The following CAMSAP3 variants were observed in gnomAD, a reference collection of about 807,000 sequenced individuals.
CAMSAP3 encodes the protein calmodulin-regulated spectrin-associated protein 3.
In CAMSAP3, 34 loss-of-function variants were observed where a neutral mutation model predicts 112.5. The ratio of observed to expected loss-of-function variants is 0.30; its 90% CI spans 0.23 to 0.40. The LOEUF is 0.40. CAMSAP3 is among the 10% of genes least tolerant of loss of function. CAMSAP3 has a pLI of 1.00. For missense variants in CAMSAP3, 1,602 were observed against 1,770.3 expected, an observed-to-expected ratio of 0.90 and a Z score of 1.71; for synonymous variants, 868 against 799.8, an observed-to-expected ratio of 1.09 and a Z score of -1.44.
In CAMSAP3 at chr19:7,606,285, T is replaced by A. The variant is rs1412879860; in HGVS notation, c.417T>A (p.Ala139=). The A allele has an allele frequency of 6.2e-7, 1 of 1,613,604 alleles. No homozygotes were observed. The highest frequency in any genetic ancestry group is 8.5e-7 in the Non-Finnish European group (1 of 1,179,994). Reference sequence around the variant, plus strand: ...TGCCCCCACAGGGAGCCCACCTAGCTGTCATTGATGCCCTCATGGCTGCCT... The same window carrying A: ...TGCCCCCACAGGGAGCCCACCTAGCAGTCATTGATGCCCTCATGGCTGCCT... ...HQPILMGAHL[A]VIDALMAAFA... Residue 139 remains alanine (A), a synonymous_variant, in exon 3 of 17, where the codon GCT becomes GCA. Coordinates refer to ENST00000160298, the MANE Select transcript of CAMSAP3 (RefSeq NM_020902.2).
rs757999498 is a variant in CAMSAP3 at position 7,606,834 on chromosome 19, C to T, written c.621+263C>T. 4.3e-6 allele frequency: 7 copies of T among 1,612,744 alleles called. No homozygotes were observed. The South Asian group carries it at 5.5e-5, about 13-fold the overall frequency. On this transcript the variant is annotated intron_variant, in intron 4 of 16. Coordinates refer to ENST00000160298, the MANE Select transcript of CAMSAP3 (RefSeq NM_020902.2). Reference sequence around the variant, plus strand: ...TGTAAGTGGGGCTGTCTGTCCGCCCCGTCTGCCTGCCCTGCTTGTAGCTCT... The same window carrying T: ...TGTAAGTGGGGCTGTCTGTCCGCCCTGTCTGCCTGCCCTGCTTGTAGCTCT...
chr19:7,616,731 G>A, intron 14 of CAMSAP3, 109 bp downstream of exon 14: 1 of 764,652 alleles, frequency 1.3e-6, no homozygotes, highest in Non-Finnish European at 2.2e-6. Flanking sequence ...TCGAGTTTAT[G>A]GATACGCCAT....
intron 1 of CAMSAP3, among the ~76,000 whole-genome samples, chr19:7,602,171 G>A (rs1029762506): frequency 2.6e-5 from 4 of 152,176 alleles, no homozygotes; most frequent in Admixed American, 6.5e-5. Flanking sequence ...GGGGACATTT[G>A]TGGTTGTCAT....
At chr19:7,606,722 T>C (rs1344970085) in intron 4 of CAMSAP3, 151 bp downstream of exon 4, 1 of 1,611,778 alleles carries the variant, frequency 6.2e-7, no homozygotes, top group African/African-American at 1.3e-5. Context: ...CTCTGTGCCC[T>C]GCCCGTCCCC....
Position 7,611,361 on chromosome 19 carries a change from C to T in CAMSAP3, c.1124-156C>T, listed in dbSNP as rs750495050. ...ACCCCGTAGTGACAGTAAATGGCCC[C>T]GGGTATCTGTTTCTGGAAACCTCTG... On this transcript the variant is annotated intron_variant, in intron 9 of 16. Coordinates refer to ENST00000160298, the MANE Select transcript of CAMSAP3 (RefSeq NM_020902.2). The surrounding 1 kb of genome is among the most constrained non-coding windows in gnomAD (Gnocchi z 6.9). 1.1e-4 allele frequency among the ~76,000 whole-genome samples: 16 copies of T among 152,272 alleles called. No individual in the cohort carries two copies. The highest frequency in any genetic ancestry group is 7.8e-4 in the Admixed American group (12 of 15,298).
At chr19:7,603,915 G>A (rs1198419976) in intron 1 of CAMSAP3, among the ~76,000 whole-genome samples, 4 of 152,096 alleles carry the variant, frequency 2.6e-5, no homozygotes, top group African/African-American at 7.2e-5. Context: ...TGAGCAGATC[G>A]CTTGAGGTCA....
In CAMSAP3 at chr19:7,613,127, G is replaced by C; in HGVS notation, c.2634G>C (p.Glu878Asp). ...CCTTGGAGGAGGAGGCGTCTTCGGA[G>C]GGGGAGCCCCGGGTGGGGCTGGGGT... Reference protein sequence around the residue: ...EDSLEEEASSEGEPRVGLGFF... With the variant: ...EDSLEEEASSDGEPRVGLGFF... Residue 878 changes from glutamate to aspartate, a missense_variant, in exon 11 of 17, where the codon GAG becomes GAC. Around this residue, in one of 6 missense-constraint regions of CAMSAP3, gnomAD observed 1,100 missense variants for 1,135.7 expected, o/e 0.97. Coordinates refer to ENST00000160298, the MANE Select transcript of CAMSAP3 (RefSeq NM_020902.2). 1 of 1,543,728 alleles carries C rather than the reference G, an allele frequency of 6.5e-7. No homozygotes were observed. Among genetic ancestry groups the C allele is most frequent in the East Asian group, 2.5e-5 (1 of 40,698 alleles).
At chr19:7,601,227 A>G (rs1294882217) in intron 1 of CAMSAP3, among the ~76,000 whole-genome samples, 4 of 152,220 alleles carry the variant, frequency 2.6e-5, no homozygotes, top group Non-Finnish European at 5.9e-5. Flanking sequence ...GGTCAATGAA[A>G]TATATTACTA....
At position 7,612,525 on chromosome 19, in the gene CAMSAP3, C is replaced by A. The variant is rs760521201; in HGVS notation, c.2032C>A (p.Arg678=). 1.3e-6 allele frequency: 2 copies of A among 1,536,466 alleles called. No homozygotes were observed. Among genetic ancestry groups the A allele is most frequent in the Non-Finnish European group, 1.7e-6 (2 of 1,144,030 alleles). ...AGEGQGEPTS[R]PKAVTFSPDL... is the part of the protein sequence containing the mutation. ...CGAGGGCCAGGGTGAGCCAACCTCA[C>A]GGCCCAAGGCAGTGACCTTCTCGCC... Residue 678 remains arginine (R), a synonymous_variant, in exon 11 of 17, where the codon CGG becomes AGG. Coordinates refer to ENST00000160298, the MANE Select transcript of CAMSAP3 (RefSeq NM_020902.2).
Position 7,596,014 on chromosome 19 carries a change from G to C in CAMSAP3, c.12G>C (p.Ala4=). ...GCCCCGGCGCCGCCATGGTGGAGGC[G>C]GCGCCCCCCGGGCCCGGGCCGCTGC... is the stretch of plus-strand genomic sequence containing the variant. MVE[A]APPGPGPLRR... is the part of the protein sequence containing the mutation. Residue 4 remains alanine (A), a synonymous_variant, in exon 1 of 17, where the codon GCG becomes GCC. Transcript: ENST00000160298. 1 of 1,145,970 alleles carries C rather than the reference G, an allele frequency of 8.7e-7. No individual in the cohort carries two copies. The highest frequency in any genetic ancestry group is 2.1e-5 in the South Asian group (1 of 48,100). The allele number at this position is 1,145,970 out of a possible 1,614,324, so 71.0% of individuals were successfully genotyped here.
chr19:7,613,058 C>T lies in CAMSAP3; in HGVS notation c.2565C>T (p.Ala855=). ...CGCTGGGCAGCCTGGCAGATCCCGC[C>T]GCCGAGGACGAGGGAGACGGGAGCC... ...EIPLGSLADP[A]AEDEGDGSPA... The change falls in exon 11 of 17, where the codon GCC becomes GCT. Residue 855 remains alanine, a synonymous_variant. Transcript: ENST00000160298. 2.6e-6 allele frequency: 4 copies of T among 1,548,906 alleles called. No individual in the cohort carries two copies. Among genetic ancestry groups the T allele is most frequent in the South Asian group, 1.2e-5 (1 of 84,206 alleles).
Position 7,612,329 on chromosome 19 carries a change from A to G in CAMSAP3, c.1836A>G (p.Arg612=). The change falls in exon 11 of 17, where the codon AGA becomes AGG. Residue 612 remains arginine (R), a synonymous_variant. Coordinates refer to ENST00000160298, the MANE Select transcript of CAMSAP3 (RefSeq NM_020902.2). ...GCGCCCGGCTGGAGGAGAAACGCAG[A>G]GCCATCGAGGCTCAGAAGCGACGGA... ...ELSARLEEKR[R]AIEAQKRRIE... The G allele has an allele frequency of 6.2e-7, 1 of 1,605,086 alleles. No homozygotes were observed.
chr19:7,616,951 T>TTTG (rs1460767251), intron 14 of CAMSAP3, among the ~76,000 whole-genome samples: 462 of 137,188 alleles, frequency 3.4e-3, no homozygotes, highest in Non-Finnish European at 5.1e-3. Context: ...TTTTTTTTTT[T>TTTG]TTTTTTTGTT....
chr19:7,617,746 G>A lies in CAMSAP3; in HGVS notation c.3445-6G>A, dbSNP rs371601266. 3.7e-6 allele frequency: 6 copies of A among 1,611,558 alleles called. No individual in the cohort carries two copies. The highest frequency in any genetic ancestry group is 5.1e-6 in the Non-Finnish European group (6 of 1,178,182). On this transcript the variant is annotated splice_region_variant and splice_polypyrimidine_tract_variant and intron_variant, in intron 16 of 16. Coordinates refer to ENST00000160298, the MANE Select transcript of CAMSAP3 (RefSeq NM_020902.2). The surrounding 1 kb of genome is among the most constrained non-coding windows in gnomAD (Gnocchi z 7.5). ...CCAGCTGACCATTTCCAGCACTCCTGCCCAGGAAATTGAGAAAAGCAAGGC... is the reference window on the plus strand; with the variant it reads ...CCAGCTGACCATTTCCAGCACTCCTACCCAGGAAATTGAGAAAAGCAAGGC...
intron 4 of CAMSAP3, chr19:7,606,916 A>C: frequency 3.3e-6 from 4 of 1,213,438 alleles, no homozygotes; most frequent in Non-Finnish European, 4.9e-6. Flanking sequence ...ATACCTCCCC[A>C]AGCTGTGAGC....
At chr19:7,601,648 T>A (rs1403094099) in intron 1 of CAMSAP3, among the ~76,000 whole-genome samples, 4 of 149,364 alleles carry the variant, frequency 2.7e-5, no homozygotes, top group Non-Finnish European at 5.9e-5. Context: ...GAGGCTGAGG[T>A]GGGAGGGTCC....
chr19:7,599,452 TCCACCCACCCAC>T (rs1180720745), intron 1 of CAMSAP3, among the ~76,000 whole-genome samples: 14 of 50,306 alleles, frequency 2.8e-4, no homozygotes, highest in Admixed American at 4.7e-4. Context: ...CACTCATCCA[TCCACCCACCCAC>T]CCACCCACCC....
intron 1 of CAMSAP3, among the ~76,000 whole-genome samples, chr19:7,598,497 G>A (rs1178169863): frequency 2.0e-5 from 3 of 152,120 alleles, no homozygotes. Context: ...TCAGAGGAAG[G>A]GATAGTTCTG....
At chr19:7,616,481 A>C (rs766132233) in intron 13 of CAMSAP3, 42 bp from the exon 14 acceptor site, 6 of 1,389,068 alleles carry the variant, frequency 4.3e-6, no homozygotes, top group Non-Finnish European at 6.1e-6. Context: ...TGTGGAGGGC[A>C]GGGGCTTCTG....
Sources: gnomAD v4.1 joint callset for allele counts (sites outside exome capture counted in the v4.1 genomes callset) on GRCh38, gnomAD v4.1.1 for gene constraint, gnomAD v4.1.1 regional missense constraint, Gnocchi (gnomAD v3.1) non-coding constraint, MANE v1.5 for transcripts, NCBI Gene and HGNC (gene_info 2026-07-23, HGNC 2026-07-21) for gene names.